NCAM2: variants seen among roughly 807,000 people sequenced by gnomAD.
NCAM2 encodes the protein neural cell adhesion molecule 2.
Under a neutral mutation model 98.1 loss-of-function variants are expected in NCAM2, and 30 were observed. The ratio of observed to expected loss-of-function variants is 0.31; its 90% confidence interval spans 0.23 to 0.41. NCAM2 has a LOEUF of 0.41. NCAM2 is among the 10% of genes least tolerant of loss of function. The pLI is 1.00. For missense variants in NCAM2, 867 were observed against 1,005.8 expected, an observed-to-expected ratio of 0.86 and a Z score of 1.87; for synonymous variants, 368 against 342.4, an observed-to-expected ratio of 1.07 and a Z score of -0.83.
chr21:21,163,275 G>GGA (rs143965183), intron 1 of NCAM2, among the ~76,000 whole-genome samples: 4,872 of 152,182 alleles, frequency 0.032, 250 homozygotes, highest in African/African-American at 0.11. Flanking sequence ...ATTACCTGTA[G>GGA]GAGAGAGCAG....
chr21:21,493,473 G>C (rs1166184349), intron 15 of NCAM2, among the ~76,000 whole-genome samples: 1 of 151,818 alleles, frequency 6.6e-6, no homozygotes, highest in Admixed American at 6.6e-5. Flanking sequence ...CCCCAGTCAG[G>C]CACAACCTTC....
intron 1 of NCAM2, among the ~76,000 whole-genome samples, chr21:21,020,775 T>A (rs2064417426): frequency 6.6e-6 from 1 of 152,218 alleles, no homozygotes. Context: ...AAAGGTATTA[T>A]AGGAACACTT....
At chr21:21,224,139 A>C (rs990178237) in intron 1 of NCAM2, among the ~76,000 whole-genome samples, 2 of 152,200 alleles carry the variant, frequency 1.3e-5, no homozygotes, top group African/African-American at 4.8e-5. Flanking sequence ...ACAGAATGTT[A>C]AAGACAAAAT....
chr21:20,998,874 C>T (rs1230209284), intron 1 of NCAM2, among the ~76,000 whole-genome samples: 2 of 151,860 alleles, frequency 1.3e-5, no homozygotes, highest in East Asian at 3.9e-4. Context: ...AGGGAAACCG[C>T]TTCTTCTTCT....
chr21:21,270,143 G>A (rs1408624499), intron 1 of NCAM2, among the ~76,000 whole-genome samples: 3 of 152,172 alleles, frequency 2.0e-5, no homozygotes, highest in African/African-American at 7.2e-5. Flanking sequence ...TATGTTCTAT[G>A]TTGACTTCAT....
chr21:21,304,199 A>T (rs2073812546), intron 5 of NCAM2, among the ~76,000 whole-genome samples: 1 of 152,056 alleles, frequency 6.6e-6, no homozygotes. Flanking sequence ...GTTAATACTA[A>T]GATTTTCCCC....
At chr21:21,395,206 A>G (rs1020222581) in intron 9 of NCAM2, among the ~76,000 whole-genome samples, 1 of 152,114 alleles carries the variant, frequency 6.6e-6, no homozygotes, top group African/African-American at 2.4e-5. Context: ...CTGGTGGCGC[A>G]TGCCTATAAT....
intron 1 of NCAM2, among the ~76,000 whole-genome samples, chr21:21,049,908 A>C (rs2065073270): frequency 6.6e-6 from 1 of 152,108 alleles, no homozygotes; most frequent in South Asian, 2.1e-4. Context: ...ATCATTATGC[A>C]TATAAATGGG....
At chr21:21,218,433 G>A (rs73316729) in intron 1 of NCAM2, among the ~76,000 whole-genome samples, 3,050 of 152,160 alleles carry the variant, frequency 0.02, 100 homozygotes, top group African/African-American at 0.07. Flanking sequence ...CAGAATAATG[G>A]CCCCAAAGAT....
chr21:21,262,426 T>C (rs1476919043), intron 1 of NCAM2, among the ~76,000 whole-genome samples: 1 of 152,076 alleles, frequency 6.6e-6, no homozygotes, highest in Non-Finnish European at 1.5e-5. Flanking sequence ...AACTACAGGC[T>C]AATATCCCTG....
chr21:21,289,575 T>G (rs960014992), intron 4 of NCAM2, among the ~76,000 whole-genome samples: 1 of 151,934 alleles, frequency 6.6e-6, no homozygotes, highest in Admixed American at 6.6e-5. Flanking sequence ...AAAAGCAGCA[T>G]GAAAGCATAT....
At position 21,494,103 on chromosome 21, in the gene NCAM2, A is replaced by G. The variant is rs187824113; in HGVS notation, c.2078-14748A>G. On this transcript the variant is annotated intron_variant, in intron 15 of 17. Coordinates refer to ENST00000400546, the MANE Select transcript of NCAM2 (RefSeq NM_004540.5). ...ATTACCATAGATTCCAAGAAAAATA[A>G]TAATACGTATCTTCTGTGTATTTGC... Among the ~76,000 whole-genome samples the G allele has an allele frequency of 3.0e-4, 46 of 152,046 alleles. No individual in the cohort carries two copies. In the East Asian group the frequency reaches 8.5e-3, roughly 28 times the overall value.
At chr21:21,146,951 AGACCGC>A (rs1431050008) in intron 1 of NCAM2, among the ~76,000 whole-genome samples, 1 of 148,984 alleles carries the variant, frequency 6.7e-6, no homozygotes. Flanking sequence ...TCCGGAACTC[AGACCGC>A]TGCCTTCTAC....
At chr21:21,402,215 A>G (rs547098155) in intron 9 of NCAM2, among the ~76,000 whole-genome samples, 2 of 152,310 alleles carry the variant, frequency 1.3e-5, no homozygotes, top group South Asian at 2.1e-4. Flanking sequence ...CAGAAAGCCT[A>G]TAAACGGACA....
chr21:21,065,568 TGTAA>T (rs1251959644), intron 1 of NCAM2, among the ~76,000 whole-genome samples: 1 of 152,198 alleles, frequency 6.6e-6, no homozygotes, highest in African/African-American at 2.4e-5. Context: ...TTTTTAATCA[TGTAA>T]GTATCTCGTC....
At chr21:21,181,817 T>G (rs145073957) in intron 1 of NCAM2, among the ~76,000 whole-genome samples, 3 of 152,258 alleles carry the variant, frequency 2.0e-5, no homozygotes, top group Non-Finnish European at 2.9e-5. Flanking sequence ...CAGACAGATC[T>G]TGTATTAATT....
intron 1 of NCAM2, among the ~76,000 whole-genome samples, chr21:21,065,510 C>T (rs542521606): frequency 1.5e-3 from 226 of 152,248 alleles, no homozygotes; most frequent in Non-Finnish European, 2.5e-3. Context: ...TGAATGAATA[C>T]TTTTTATTCT....
intron 12 of NCAM2, among the ~76,000 whole-genome samples, chr21:21,456,766 C>A (rs760681008): frequency 5.3e-5 from 8 of 152,040 alleles, no homozygotes; most frequent in Non-Finnish European, 1.0e-4. Flanking sequence ...ATCCTAAGGG[C>A]AAAATGCTCA....
At chr21:21,489,073 C>G (rs1282296774) in intron 15 of NCAM2, among the ~76,000 whole-genome samples, 1 of 152,120 alleles carries the variant, frequency 6.6e-6, no homozygotes. Context: ...TCACTGGCAC[C>G]TCCGCCTCCT....
Sources: allele counts gnomAD v4.1 joint callset (sites outside exome capture counted in the v4.1 genomes callset), GRCh38; gene constraint gnomAD v4.1.1; transcripts MANE v1.5; gene names NCBI Gene and HGNC (gene_info 2026-07-23, HGNC 2026-07-21).